Variants in SNAP47 observed in about 807,000 individuals in gnomAD.
SNAP47 encodes the protein synaptosome associated protein 47.
Under a neutral mutation model 31.4 loss-of-function variants are expected in SNAP47, and 20 were observed. The observed-to-expected ratio is 0.64, with a 90% CI of 0.45 to 0.93. SNAP47 has a LOEUF of 0.93. SNAP47 is among the 40% of genes least tolerant of loss of function. The pLI is 0.00. For missense variants in SNAP47, 492 were observed against 528.5 expected, an observed-to-expected ratio of 0.93 and a Z score of 0.68; for synonymous variants, 194 against 213.4, an observed-to-expected ratio of 0.91 and a Z score of 0.79.
At chr1:227,775,718 A>G (rs774383438) in intron 4 of SNAP47, 50 of 1,283,990 alleles carry the variant, frequency 3.9e-5, no homozygotes, top group Non-Finnish European at 5.0e-5. Flanking sequence ...ATTTTTCTAT[A>G]TTTATTTTTT....
upstream of SNAP47, chr1:227,733,927 G>A (rs1254639699): frequency 9.9e-6 from 16 of 1,613,804 alleles, no homozygotes; most frequent in South Asian, 2.2e-5. Context: ...CAGGCCCCGC[G>A]TAGACAAAGC....
Position 227,759,262 on chromosome 1 carries a change from G to A in SNAP47, c.765G>A (p.Val255=). ...TGCACAGGTTTGAAAGAGAAGACGT[G>A]GACGACATCAAGGTCCACTCACCTT... is the stretch of plus-strand genomic sequence containing the variant. ...LLMHRFERED[V]DDIKVHSPYE... The change falls in exon 3 of 5, where the codon GTG becomes GTA. Residue 255 remains valine, a synonymous_variant. Transcript: ENST00000617596. 2 of 1,614,200 alleles carry A rather than the reference G, an allele frequency of 1.2e-6. No individual in the cohort carries two copies. Among genetic ancestry groups the A allele is most frequent in the South Asian group, 1.1e-5 (1 of 91,080 alleles).
Position 227,781,041 on chromosome 1 carries a change from AAGT to A in SNAP47, c.*369_*371del. On this transcript the variant is annotated 3_prime_UTR_variant, in exon 5 of 5. Coordinates refer to ENST00000617596, the MANE Select transcript of SNAP47 (RefSeq NM_053052.4). ...TAGCTGTACTATAAATTTGTGAGTG[AAGT>A]TAGAGCCCAGCTCACTTAGCCAGCT... The A allele has an allele frequency of 4.7e-6, 1 of 211,496 alleles. No homozygotes were observed. The highest frequency in any genetic ancestry group is 5.4e-5 in the Admixed American group (1 of 18,686). The allele number at this position is 211,496 out of a possible 1,614,324, so 13.1% of individuals were successfully genotyped here. A position where few individuals can be genotyped will look rare whatever the true frequency, so the allele number is the denominator to read the frequency against.
At chr1:227,768,114 A>T (rs1358216744) in intron 4 of SNAP47, 2 of 183,268 alleles carry the variant, frequency 1.1e-5, no homozygotes, top group African/African-American at 4.8e-5. Flanking sequence ...AGGAAACAGG[A>T]AGTCATTCCT....
chr1:227,733,698 G>A (rs371712657), upstream of SNAP47: 143 of 1,599,100 alleles, frequency 8.9e-5, no homozygotes, highest in African/African-American at 1.3e-3. Flanking sequence ...CAGCAAGAGC[G>A]CCTGGTTCAT....
At chr1:227,771,684 C>T (rs1663820934) in intron 4 of SNAP47, among the ~76,000 whole-genome samples, 2 of 141,042 alleles carry the variant, frequency 1.4e-5, no homozygotes, top group South Asian at 5.0e-4. Flanking sequence ...CCACCCTCTG[C>T]TTTTGCGGGT....
upstream of SNAP47, chr1:227,734,860 C>A: frequency 1.9e-6 from 3 of 1,610,020 alleles, no homozygotes; most frequent in Non-Finnish European, 2.5e-6. Flanking sequence ...TGGGCCCCGT[C>A]CTCACTCCAA....
intron 2 of SNAP47, among the ~76,000 whole-genome samples, chr1:227,754,386 T>C (rs997043726): frequency 1.3e-5 from 2 of 152,136 alleles, no homozygotes; most frequent in Non-Finnish European, 2.9e-5. Flanking sequence ...GCCAGGGTGG[T>C]CTTGGGAAGT....
chr1:227,739,008 A>G (rs1661419302), intron 1 of SNAP47, among the ~76,000 whole-genome samples: 1 of 152,088 alleles, frequency 6.6e-6, no homozygotes, highest in South Asian at 2.1e-4. Flanking sequence ...CAGTGTCACC[A>G]CTGTATACGC....
Position 227,759,215 on chromosome 1 carries a change from C to T in SNAP47, c.718C>T (p.His240Tyr). The change falls in exon 3 of 5, where the codon CAT (histidine) becomes TAT (tyrosine). Residue 240 changes from histidine (H) to tyrosine (Y), a missense_variant. His to Tyr is a moderately conservative substitution (Grantham distance 83). Transcript: ENST00000617596. Reference sequence around the variant, plus strand: ...CGTCCTTGTGTCTGGGTTGGAAATACATGACTCCAGTTCTTTGCTCATGCA... The same window carrying T: ...CGTCCTTGTGTCTGGGTTGGAAATATATGACTCCAGTTCTTTGCTCATGCA... ...LTVLVSGLEIHDSSSLLMHRF... is the reference protein window; with the variant it reads ...LTVLVSGLEIYDSSSLLMHRF... 6.2e-7 allele frequency: 1 copy of T among 1,614,202 alleles called. No homozygotes were observed. The highest frequency in any genetic ancestry group is 8.5e-7 in the Non-Finnish European group (1 of 1,180,038).
rs764281315 is a variant in SNAP47 at position 227,748,310 on chromosome 1, C to G, written c.497+77C>G. 7.8e-6 allele frequency: 11 copies of G among 1,408,896 alleles called. No individual in the cohort carries two copies. The Middle Eastern group carries it at 7.8e-4, about 99-fold the overall frequency. The allele number at this position is 1,408,896 out of a possible 1,614,324, so 87.3% of individuals were successfully genotyped here. A position where few individuals can be genotyped will look rare whatever the true frequency, so the allele number is the denominator to read the frequency against. On this transcript the variant is annotated intron_variant, in intron 2 of 4. Transcript: ENST00000617596. ...GTGTGGAGGCTCACAGGCACTGTTC[C>G]AGGCCACTGCACCATATTTGCACAC...
At chr1:227,743,128 A>G (rs1661725471) in intron 1 of SNAP47, among the ~76,000 whole-genome samples, 1 of 152,032 alleles carries the variant, frequency 6.6e-6, no homozygotes, top group Non-Finnish European at 1.5e-5. Context: ...TCAGGTGAGT[A>G]TTCCCCGGTT....
upstream of SNAP47, among the ~76,000 whole-genome samples, chr1:227,728,218 C>A (rs1660436830): frequency 6.6e-6 from 1 of 152,178 alleles, no homozygotes; most frequent in Admixed American, 6.5e-5. Context: ...TTCCCAGGCT[C>A]GCCTCATTGC....
chr1:227,764,684 T>A (rs1312556925), intron 3 of SNAP47, among the ~76,000 whole-genome samples: 2 of 151,974 alleles, frequency 1.3e-5, no homozygotes, highest in Non-Finnish European at 2.9e-5. Flanking sequence ...GGCGGGCGAA[T>A]CACGAGGTCA....
chr1:227,768,830 A>G (rs887837534), intron 4 of SNAP47, among the ~76,000 whole-genome samples: 1 of 152,254 alleles, frequency 6.6e-6, no homozygotes, highest in Non-Finnish European at 1.5e-5. Context: ...GTGCCTCGGC[A>G]CGTGGCTGAG....
chr1:227,734,684 C>A (rs1428306855), upstream of SNAP47: 4 of 1,614,130 alleles, frequency 2.5e-6, no homozygotes, highest in Non-Finnish European at 3.4e-6. Context: ...GTAGAGACAG[C>A]CCCTGGGAGA....
At chr1:227,764,675 G>A (rs1249293870) in intron 3 of SNAP47, among the ~76,000 whole-genome samples, 3 of 152,226 alleles carry the variant, frequency 2.0e-5, no homozygotes, top group Non-Finnish European at 4.4e-5. Context: ...GGAGGCAGAG[G>A]CGGGCGAATC....
rs553049516 is a variant in SNAP47, at chr1:227,763,123, A to G, written c.988+3638A>G. ...AGGCACATATCACCATGCCCAGCTA[A>G]TTTTTTTTTTTTTTAATTATGGGGT... On this transcript the variant is annotated intron_variant, in intron 3 of 4. Transcript: ENST00000617596. The surrounding 1 kb of genome is among the most constrained non-coding windows in gnomAD (Gnocchi z 4.2). Among the ~76,000 whole-genome samples the G allele has an allele frequency of 4.1e-5, 6 of 144,910 alleles. No homozygotes were observed. Among genetic ancestry groups the G allele is most frequent in the South Asian group, 2.2e-4 (1 of 4,542 alleles).
intron 1 of SNAP47, chr1:227,747,089 C>A (rs369112804): frequency 5.3e-5 from 8 of 152,352 alleles, no homozygotes; most frequent in Non-Finnish European, 1.2e-4. Context: ...TAAGTTAGTA[C>A]GCGTACGTGT....
Sources: allele counts gnomAD v4.1 joint callset (sites outside exome capture counted in the v4.1 genomes callset), GRCh38; gene constraint gnomAD v4.1.1; non-coding constraint Gnocchi (gnomAD v3.1); transcripts MANE v1.5; gene names NCBI Gene and HGNC (gene_info 2026-07-23, HGNC 2026-07-21).